The following MYO1H variants were observed in gnomAD, a reference collection of about 807,000 sequenced individuals.
MYO1H encodes myosin IH.
Under a neutral mutation model 149.3 loss-of-function variants are expected in MYO1H, and 118 were observed. That is an observed-to-expected ratio of 0.79 (90% confidence interval 0.68 to 0.92). The LOEUF (loss-of-function observed/expected upper bound fraction) is 0.92, where lower values mean the gene tolerates loss of function less well. MYO1H is among the 40% of genes least tolerant of loss of function. The pLI, the probability that MYO1H is intolerant of heterozygous loss-of-function variation, is 0.00. For missense variants in MYO1H, 1,212 were observed against 1,280.7 expected, an observed-to-expected ratio of 0.95 and a Z score of 0.82; for synonymous variants, 447 against 465.2, an observed-to-expected ratio of 0.96 and a Z score of 0.50.
intron 14 of MYO1H, among the ~76,000 whole-genome samples, chr12:109,414,313 T>TAA (rs137905497): frequency 2.5e-3 from 385 of 151,492 alleles, no homozygotes; most frequent in African/African-American, 8.0e-3. Flanking sequence ...CCATCTCCAC[T>TAA]AAAAATCCAA....
intron 1 of MYO1H, among the ~76,000 whole-genome samples, chr12:109,348,729 G>T (rs1868393910): frequency 6.6e-6 from 1 of 152,202 alleles, no homozygotes; most frequent in Non-Finnish European, 1.5e-5. Flanking sequence ...CAGGTTTTCT[G>T]GGTTTCGATA....
In MYO1H at chr12:109,406,384, T is replaced by G. The variant is rs559378796; in HGVS notation, c.963+349T>G. Among the ~76,000 whole-genome samples, 24 of 147,554 alleles carry G rather than the reference T, an allele frequency of 1.6e-4. No individual in the cohort carries two copies. The South Asian group carries it at 2.5e-3, about 16-fold the overall frequency. ...GGGAGGCCAAGGCAGGAGGATCGCT[T>G]GAGGCCAGAAATTCAAGGCTGCAGT... is the stretch of plus-strand genomic sequence containing the variant. On this transcript the variant is annotated intron_variant, in intron 8 of 31. Transcript: ENST00000310903.
intron 1 of MYO1H, chr12:109,359,226 A>G (rs1283914709): frequency 6.6e-6 from 1 of 152,074 alleles, no homozygotes; most frequent in Non-Finnish European, 1.5e-5. Context: ...GAAAGCTGAC[A>G]TGCTGAATGG....
chr12:109,426,797 G>A (rs1338176260), intron 18 of MYO1H, among the ~76,000 whole-genome samples: 2 of 152,116 alleles, frequency 1.3e-5, no homozygotes, highest in African/African-American at 4.8e-5. Flanking sequence ...ACAGAGGCTA[G>A]GCAGGAAAAG....
At chr12:109,376,920 A>G (rs1869098250) in intron 1 of MYO1H, among the ~76,000 whole-genome samples, 1 of 152,222 alleles carries the variant, frequency 6.6e-6, no homozygotes. Context: ...GAGTCTTTCC[A>G]TTCATGAATA....
At chr12:109,403,275 C>T (rs1274859613) in intron 6 of MYO1H, among the ~76,000 whole-genome samples, 1 of 152,160 alleles carries the variant, frequency 6.6e-6, no homozygotes, top group Non-Finnish European at 1.5e-5. Context: ...TCGGTCACTT[C>T]ACTAGGAAAT....
intron 1 of MYO1H, among the ~76,000 whole-genome samples, chr12:109,374,601 C>G (rs1869052478): frequency 6.6e-6 from 1 of 152,072 alleles, no homozygotes; most frequent in Non-Finnish European, 1.5e-5. Context: ...TGCTTGTCCC[C>G]CACAGCACAT....
exon 10 of MYO1H, chr12:109,407,846 C>T: frequency 6.2e-7 from 1 of 1,613,952 alleles, no homozygotes; most frequent in Non-Finnish European, 8.5e-7. Flanking sequence ...GATGCAATGG[C>T]AAAGGCTGTT....
At chr12:109,412,070 G>A (rs991615906) in intron 14 of MYO1H, 85 bp downstream of exon 14, 9 of 867,676 alleles carry the variant, frequency 1.0e-5, no homozygotes, top group African/African-American at 1.7e-5. Flanking sequence ...TGTTCTTCAA[G>A]AGAACAACTA....
At chr12:109,386,995 C>CGTGTGTGTGTGTGT (rs55675476) in intron 1 of MYO1H, among the ~76,000 whole-genome samples, 15 of 141,092 alleles carry the variant, frequency 1.1e-4, no homozygotes, top group Non-Finnish European at 4.6e-5. Flanking sequence ...ATCTCAAGTT[C>CGTGTGTGTGTGTGT]GTGTGTGTGT....
At chr12:109,339,094 G>A in the MYO1H span, among the ~76,000 whole-genome samples, 1 of 152,188 alleles carries the variant, frequency 6.6e-6, no homozygotes, top group Non-Finnish European at 1.5e-5. Context: ...GCCAGGTGCA[G>A]TGGCTCATGC....
intron 1 of MYO1H, among the ~76,000 whole-genome samples, chr12:109,377,262 A>G (rs189991663): frequency 3.3e-5 from 5 of 152,292 alleles, no homozygotes; most frequent in Non-Finnish European, 7.4e-5. Flanking sequence ...TATAATTCTG[A>G]TGGCTGGAAA....
upstream of MYO1H, among the ~76,000 whole-genome samples, chr12:109,347,732 C>T (rs1203548351): frequency 6.6e-6 from 1 of 151,988 alleles, no homozygotes; most frequent in Non-Finnish European, 1.5e-5. Context: ...GTTGGGTTTC[C>T]AGTTCTTATC....
At chr12:109,447,267 G>A in exon 32 of MYO1H, 1 of 1,221,428 alleles carries the variant, frequency 8.2e-7, no homozygotes, top group Non-Finnish European at 1.2e-6. Context: ...GATCCAGTTA[G>A]CTACCTCTTC....
chr12:109,347,754 G>A (rs558653749), upstream of MYO1H: 71 of 389,934 alleles, frequency 1.8e-4, no homozygotes, highest in South Asian at 3.3e-3. Context: ...CCCTGGAGCA[G>A]CCCGGTGTGC....
intron 5 of MYO1H, 68 bp from the exon 6 acceptor site, chr12:109,401,025 A>C (rs1818858466): frequency 7.0e-7 from 1 of 1,422,436 alleles, no homozygotes; most frequent in Non-Finnish European, 9.7e-7. Context: ...ACTTCGGGCC[A>C]TCAGGAGATG....
intron 1 of MYO1H, among the ~76,000 whole-genome samples, chr12:109,349,671 AAAAAAG>A (rs1868413238): frequency 1.3e-5 from 2 of 151,676 alleles, no homozygotes; most frequent in East Asian, 1.9e-4. Context: ...AAAAAAAAAA[AAAAAAG>A]AGGCCGGGTG....
At chr12:109,431,130 A>AC (rs1871597381) in intron 19 of MYO1H, among the ~76,000 whole-genome samples, 1 of 151,780 alleles carries the variant, frequency 6.6e-6, no homozygotes, top group Non-Finnish European at 1.5e-5. Context: ...CTGTAATCCC[A>AC]GCGCTTTGGG....
intron 27 of MYO1H, among the ~76,000 whole-genome samples, chr12:109,442,765 C>G (rs1872196491): frequency 6.7e-6 from 1 of 149,326 alleles, no homozygotes; most frequent in Non-Finnish European, 1.5e-5. Flanking sequence ...GCAGGTGAAG[C>G]CCTGGTGATC....
Sources: gnomAD v4.1 joint callset for allele counts (sites outside exome capture counted in the v4.1 genomes callset) on GRCh38, gnomAD v4.1.1 for gene constraint, MANE v1.5 for transcripts, NCBI Gene and HGNC (gene_info 2026-07-23, HGNC 2026-07-21) for gene names.